The following ELP1 variants were observed in gnomAD, a reference collection of about 807,000 sequenced individuals.
ELP1 encodes elongator complex protein 1.
ELP1 carries 131 observed loss-of-function variants against 183.2 expected under a neutral mutation model. That is an observed-to-expected ratio of 0.72 (90% CI 0.62 to 0.83). ELP1 has a LOEUF of 0.83. ELP1 is among the 40% of genes least tolerant of loss of function. The pLI is 0.00. For synonymous variants in ELP1, 555 were observed against 569.0 expected, an observed-to-expected ratio of 0.98 and a Z score of 0.35; for missense variants, 1,550 against 1,594.9, an observed-to-expected ratio of 0.97 and a Z score of 0.48.
chr9:108,879,005 T>C (rs1827811808), intron 33 of ELP1, among the ~76,000 whole-genome samples: 1 of 152,212 alleles, frequency 6.6e-6, no homozygotes, highest in Admixed American at 6.5e-5. Context: ...GCACCTACCA[T>C]ATGAGTGCTG....
chr9:108,894,303 T>C (rs2131975908), intron 25 of ELP1, among the ~76,000 whole-genome samples: 2 of 152,270 alleles, frequency 1.3e-5, no homozygotes, highest in Admixed American at 1.3e-4. Flanking sequence ...CAGTCCTACA[T>C]TTGACCCCAT....
At chr9:108,914,392 C>T (rs1345239499) in intron 10 of ELP1, among the ~76,000 whole-genome samples, 17 of 93,402 alleles carry the variant, frequency 1.8e-4, no homozygotes, top group Non-Finnish European at 3.2e-4. Flanking sequence ...AGAGAGACTC[C>T]GTCTCCAAAA....
rs1249155076 is a variant in ELP1, at chr9:108,903,569, G to T, written c.1744C>A (p.Leu582Ile). The stretch of plus-strand genomic sequence containing the variant: ...CTAACACCTTGATACTCACCCCAAA[G>T]GTACTTAAATATCTGGCCATCAGCC... The part of the protein sequence containing the change: ...QLADGQIFKY[L>I]WESPSLAIKP... The change falls in exon 15 of 37, where the codon CTT (leucine) becomes ATT (isoleucine). Residue 582 changes from leucine (L) to isoleucine (I), a missense_variant. Physicochemically the swap from Leu to Ile is conservative, Grantham distance 5. Transcript: ENST00000374647. The T allele has an allele frequency of 1.9e-6, 3 of 1,606,548 alleles. No homozygotes were observed. Among genetic ancestry groups the T allele is most frequent in the Non-Finnish European group, 2.6e-6 (3 of 1,173,352 alleles).
In ELP1 at chr9:108,872,803, T is replaced by TCAAAAAAA. The variant is rs1564207087; in HGVS notation, c.3931+2091_3931+2092insTTTTTTTG. Among the ~76,000 whole-genome samples the TCAAAAAAA allele has an allele frequency of 9.6e-5, 6 of 62,814 alleles. 2 individuals are homozygous for TCAAAAAAA. Among genetic ancestry groups the TCAAAAAAA allele is most frequent in the African/African-American group, 4.7e-4 (6 of 12,876 alleles). 41.2% of individuals were successfully genotyped at this position (62,814 alleles called of 152,430 possible). On this transcript the variant is annotated intron_variant, in intron 36 of 36. Coordinates refer to ENST00000374647, the MANE Select transcript of ELP1 (RefSeq NM_003640.5). Reference sequence around the variant, plus strand: ...CTGGGCCACAGAGCAAGACTCTGTCTGAAAAAAAAAAAAAAAAAAAAAAAA... The same window carrying TCAAAAAAA: ...CTGGGCCACAGAGCAAGACTCTGTCTCAAAAAAAGAAAAAAAAAAAAAAAAAAAAAAAA...
At chr9:108,872,349 T>G (rs1461106119) in intron 36 of ELP1, among the ~76,000 whole-genome samples, 1 of 152,218 alleles carries the variant, frequency 6.6e-6, no homozygotes, top group Admixed American at 6.5e-5. Context: ...GCAGTTATGA[T>G]TTAATACTAC....
chr9:108,896,407 G>A (rs1416929623), intron 25 of ELP1, 89 bp downstream of exon 25: 2 of 1,242,228 alleles, frequency 1.6e-6, no homozygotes, highest in East Asian at 2.4e-5. Context: ...AGTGATAGCA[G>A]AAAAGCTACT....
In ELP1 at chr9:108,896,785, T is replaced by C. The variant is rs867260398; in HGVS notation, c.2588-141A>G. ...AATATATACTTCTGATACTTTTATA[T>C]ATGCTTTAGAGGGCAGCACTGAAAA... On this transcript the variant is annotated intron_variant, in intron 24 of 36. Transcript: ENST00000374647. The C allele has an allele frequency of 8.7e-6, 9 of 1,038,944 alleles. No homozygotes were observed. The African/African-American group carries it at 9.6e-5, about 11-fold the overall frequency. The allele number at this position is 1,038,944 out of a possible 1,614,324, so 64.4% of individuals were successfully genotyped here. A position where few individuals can be genotyped will look rare whatever the true frequency, so the allele number is the denominator to read the frequency against.
intron 35 of ELP1, 138 bp from the exon 36 acceptor site, chr9:108,875,108 C>T (rs1424158152): frequency 7.3e-6 from 5 of 682,818 alleles, no homozygotes; most frequent in Non-Finnish European, 1.3e-5. Flanking sequence ...AATTCTCTTT[C>T]CCAATGTGAT....
chr9:108,921,258 CT>C (rs1829635422), intron 6 of ELP1, among the ~76,000 whole-genome samples: 1 of 152,146 alleles, frequency 6.6e-6, no homozygotes, highest in Admixed American at 6.5e-5. Flanking sequence ...GCAGTCACCC[CT>C]TCCCCACCCC....
intron 6 of ELP1, 23 bp from the exon 7 acceptor site, chr9:108,919,372 A>G (rs758884671): frequency 2.7e-6 from 4 of 1,495,840 alleles, no homozygotes; most frequent in Admixed American, 3.3e-5. Context: ...ACAAACACCA[A>G]TATTACTGGG....
At position 108,902,897 on chromosome 9, in the gene ELP1, A is replaced by T; in HGVS notation, c.1796T>A (p.Phe599Tyr). 1 of 1,614,022 alleles carries T rather than the reference A, an allele frequency of 6.2e-7. No homozygotes were observed. The highest frequency in any genetic ancestry group is 8.5e-7 in the Non-Finnish European group (1 of 1,179,910). ...GCATGGATAAGGAAACCGAACAGGAAATCCACCAGAGTTCTTCCATGGTTT... is the reference window on the plus strand; with the variant it reads ...GCATGGATAAGGAAACCGAACAGGATATCCACCAGAGTTCTTCCATGGTTT... ...AIKPWKNSGG[F>Y]PVRFPYPCTQ... The change falls in exon 16 of 37, where the codon TTT becomes TAT. Residue 599 changes from phenylalanine (F) to tyrosine (Y), a missense_variant. Physicochemically the swap from Phe to Tyr is conservative, Grantham distance 22. Transcript: ENST00000374647.
rs756347891 is a variant in ELP1, at chr9:108,869,119, T to A, written c.3995A>T (p.Asp1332Val). ...RRTQWKLSLL[D>V] ...ATCCCTCCTAACTGCAGTCACTCAG[T>A]CTAGCAGGCTCAGCTTCCACTGGGT... The change falls in exon 37 of 37, where the codon GAC becomes GTC. Residue 1332 changes from aspartate to valine, a missense_variant. Asp to Val is a radical substitution (Grantham distance 152, BLOSUM62 -3). Transcript: ENST00000374647. 4 of 1,613,846 alleles carry A rather than the reference T, an allele frequency of 2.5e-6. No individual in the cohort carries two copies. The South Asian group carries it at 3.3e-5, about 13-fold the overall frequency.
chr9:108,901,685 C>A lies in ELP1; in HGVS notation c.1855-4G>T. The A allele has an allele frequency of 6.2e-7, 1 of 1,613,856 alleles. No homozygotes were observed. The highest frequency in any genetic ancestry group is 8.5e-7 in the Non-Finnish European group (1 of 1,179,728). Reference sequence around the variant, plus strand: ...CAGTCAGACCAAGGACACATTCCTGCAAAGAAATAAAACTGAAATCACAAG... The same window carrying A: ...CAGTCAGACCAAGGACACATTCCTGAAAAGAAATAAAACTGAAATCACAAG... On this transcript the variant is annotated splice_region_variant and splice_polypyrimidine_tract_variant and intron_variant, in intron 16 of 36. Coordinates refer to ENST00000374647, the MANE Select transcript of ELP1 (RefSeq NM_003640.5).
At chr9:108,875,107 T>G in intron 35 of ELP1, 137 bp from the exon 36 acceptor site, 1 of 682,232 alleles carries the variant, frequency 1.5e-6, no homozygotes, top group South Asian at 1.5e-5. Context: ...TAATTCTCTT[T>G]CCCAATGTGA....
intron 20 of ELP1, among the ~76,000 whole-genome samples, chr9:108,899,460 T>C (rs903453369): frequency 6.6e-6 from 1 of 152,162 alleles, no homozygotes; most frequent in African/African-American, 2.4e-5. Context: ...TAGGCCCCGC[T>C]GTAAATCTAT....
chr9:108,925,033 T>C (rs1829782897), intron 5 of ELP1, among the ~76,000 whole-genome samples: 1 of 152,142 alleles, frequency 6.6e-6, no homozygotes, highest in South Asian at 2.1e-4. Context: ...CCATCCTCAT[T>C]GTGAATCAAG....
chr9:108,901,010 G>A (rs549825138), intron 18 of ELP1, among the ~76,000 whole-genome samples: 26 of 152,000 alleles, frequency 1.7e-4, no homozygotes, highest in African/African-American at 5.8e-4. Context: ...GCATGGAACA[G>A]AAGACAAAAT....
At chr9:108,883,520 G>A (rs1228394408) in intron 29 of ELP1, among the ~76,000 whole-genome samples, 1 of 149,812 alleles carries the variant, frequency 6.7e-6, no homozygotes, top group Non-Finnish European at 1.5e-5. Context: ...ACTTTGAGTG[G>A]CCAGCAGTTT....
rs1186133871 is a variant in ELP1, at chr9:108,919,443, G to C, written c.553-94C>G. The C allele has an allele frequency of 4.8e-6, 4 of 840,924 alleles. No individual in the cohort carries two copies. The East Asian group carries it at 1.1e-4, about 22-fold the overall frequency. 52.1% of individuals were successfully genotyped at this position (840,924 alleles called of 1,614,324 possible). On this transcript the variant is annotated intron_variant, in intron 6 of 36. Transcript: ENST00000374647. ...ACCACTAGATACAGATGTTTTTTAA[G>C]AGGTTTAAGCTACTTTGAAAGCCTG...
Sources: allele counts gnomAD v4.1 joint callset (sites outside exome capture counted in the v4.1 genomes callset), GRCh38; gene constraint gnomAD v4.1.1; transcripts MANE v1.5; gene names NCBI Gene and HGNC (gene_info 2026-07-23, HGNC 2026-07-21).